The following C4orf33 variants were observed in gnomAD, a reference collection of about 807,000 sequenced individuals.
C4orf33 encodes the protein chromosome 4 open reading frame 33.
Under a neutral mutation model 24.3 loss-of-function variants are expected in C4orf33, and 20 were observed. That is an observed-to-expected ratio of 0.82 (90% CI 0.58 to 1.19). The LOEUF (loss-of-function observed/expected upper bound fraction) is 1.19, where lower values mean the gene tolerates loss of function less well. Among genes scored for constraint, C4orf33 ranks in the 50% most tolerant of loss-of-function variants. The pLI is 0.00. For missense variants in C4orf33, 207 were observed against 225.9 expected (o/e 0.92, Z 0.54); for synonymous variants, 67 against 76.4 (o/e 0.88, Z 0.64).
At position 129,104,345 on chromosome 4, in the gene C4orf33, C is replaced by A. The variant is rs1044528842; in HGVS notation, c.181+1554C>A. 2.0e-5 allele frequency among the ~76,000 whole-genome samples: 3 copies of A among 152,140 alleles called. No homozygotes were observed. The East Asian group carries it at 5.8e-4, about 29-fold the overall frequency. ...CAGAGCCTTCTAAATAGTCTTTTAG[C>A]CCTTAAGCCCATTCTTCATTTAGAA... On this transcript the variant is annotated intron_variant, in intron 2 of 5. Transcript: ENST00000425929.
At chr4:129,106,219 T>C (rs1485713421) in intron 2 of C4orf33, among the ~76,000 whole-genome samples, 1 of 152,114 alleles carries the variant, frequency 6.6e-6, no homozygotes, top group Admixed American at 6.5e-5. Context: ...TGAACAGTAC[T>C]CTAATGAATG....
upstream of C4orf33, among the ~76,000 whole-genome samples, chr4:129,094,951 T>C (rs1461804787): frequency 6.6e-6 from 1 of 152,158 alleles, no homozygotes; most frequent in Non-Finnish European, 1.5e-5. Context: ...TAAATAATTA[T>C]AGACTTAACT....
At chr4:129,099,431 G>C (rs915277335) in intron 1 of C4orf33, among the ~76,000 whole-genome samples, 14 of 152,300 alleles carry the variant, frequency 9.2e-5, no homozygotes, top group African/African-American at 3.4e-4. Context: ...GATATGTAGT[G>C]TTAAATGAGA....
At chr4:129,095,957 A>G (rs1458739358), upstream of C4orf33, among the ~76,000 whole-genome samples, 4 of 152,210 alleles carry the variant, frequency 2.6e-5, no homozygotes, top group Non-Finnish European at 5.9e-5. Context: ...ATTATTGCAC[A>G]GTATTTATAT....
intron 2 of C4orf33, among the ~76,000 whole-genome samples, chr4:129,103,859 A>C (rs971418349): frequency 1.3e-5 from 2 of 152,204 alleles, no homozygotes; most frequent in Admixed American, 6.5e-5. Context: ...ATTTTGATGA[A>C]TCTTCTAGTC....
In C4orf33 at chr4:129,115,801, AATATAT is replaced by A. The variant is rs55749910; in HGVS notation, c.*4034_*4039del. 971 of 90,236 alleles carry A rather than the reference AATATAT, an allele frequency of 0.011. 7 individuals carry two copies. The highest frequency in any genetic ancestry group is 0.043 in the Middle Eastern group (8 of 184). 5.6% of individuals were successfully genotyped at this position (90,236 alleles called of 1,614,324 possible). ...ATGTGCCTAACAAATCTTCTAACTA[AATATAT>A]ATATATATATATATATATATATAAA... On this transcript the variant is annotated 3_prime_UTR_variant, in exon 6 of 6. Coordinates refer to ENST00000425929, the MANE Select transcript of C4orf33 (RefSeq NM_001099783.2).
rs1473864774 is a variant in C4orf33, at chr4:129,113,763, T to A, written c.*1972T>A. The A allele has an allele frequency of 1.1e-5, 1 of 90,154 alleles. No individual in the cohort carries two copies. The highest frequency in any genetic ancestry group is 6.6e-4 in the South Asian group (1 of 1,514). 5.6% of individuals were successfully genotyped at this position (90,154 alleles called of 1,614,324 possible). A position where few individuals can be genotyped will look rare whatever the true frequency, so the allele number is the denominator to read the frequency against. On this transcript the variant is annotated 3_prime_UTR_variant, in exon 6 of 6. Coordinates refer to ENST00000425929, the MANE Select transcript of C4orf33 (RefSeq NM_001099783.2). ...TTTTTTTAAACGTTAAAAAGGTTTT[T>A]TGCCACAGGAAAAAAAACATTTAAT...
intron 2 of C4orf33, chr4:129,103,016 ATT>A (rs11383422): frequency 0.014 from 2,460 of 175,536 alleles, no homozygotes; most frequent in South Asian, 0.03. Context: ...ACAAATCCAG[ATT>A]TTTTTTTTTT....
chr4:129,107,651 T>C (rs1268780677), intron 3 of C4orf33, among the ~76,000 whole-genome samples: 1 of 152,058 alleles, frequency 6.6e-6, no homozygotes, highest in East Asian at 1.9e-4. Context: ...TCAACTAACA[T>C]GCCAAAATTT....
intron 3 of C4orf33, among the ~76,000 whole-genome samples, chr4:129,106,935 C>T (rs185202870): frequency 1.0e-3 from 159 of 151,444 alleles, no homozygotes; most frequent in African/African-American, 2.6e-3. Context: ...TTTTTCAAAA[C>T]GAAAAGTCAT....
At chr4:129,109,702 C>T (rs1164301389) in intron 5 of C4orf33, 30 bp downstream of exon 5, 9 of 1,572,918 alleles carry the variant, frequency 5.7e-6, no homozygotes, top group African/African-American at 1.4e-5. Flanking sequence ...AGATATGTTC[C>T]AAATACACGA....
In C4orf33 at chr4:129,111,887, TC is replaced by T. The variant is rs1753701245; in HGVS notation, c.*97del. On this transcript the variant is annotated 3_prime_UTR_variant, in exon 6 of 6. Coordinates refer to ENST00000425929, the MANE Select transcript of C4orf33 (RefSeq NM_001099783.2). ...TTTTTTAAGATGTCATGCATACATTTCAACAACAAATATCTTCATAGAAGTC... is the reference window on the plus strand; with the variant it reads ...TTTTTTAAGATGTCATGCATACATTTAACAACAAATATCTTCATAGAAGTC... The T allele has an allele frequency of 1.6e-6, 1 of 611,224 alleles. No individual in the cohort carries two copies. The highest frequency in any genetic ancestry group is 1.9e-5 in the African/African-American group (1 of 53,430). 37.9% of individuals were successfully genotyped at this position (611,224 alleles called of 1,614,324 possible). A position where few individuals can be genotyped will look rare whatever the true frequency, so the allele number is the denominator to read the frequency against.
At chr4:129,109,240 T>G in intron 3 of C4orf33, 67 bp from the exon 4 acceptor site, 1 of 1,397,414 alleles carries the variant, frequency 7.2e-7, no homozygotes, top group Admixed American at 1.7e-5. Context: ...ATTCCATGTA[T>G]AAAGGATAGT....
At position 129,111,715 on chromosome 4, in the gene C4orf33, AT is replaced by A. The variant is rs1353621166; in HGVS notation, c.528del (p.Phe176LeufsTer18). ...FHCLEYFKSF[N>X]FNTLLGEEWK... The stretch of plus-strand genomic sequence containing the variant: ...TGCCTAGAATACTTCAAGTCTTTCA[AT>A]TTTAACACACTGCTTGGAGAAGAGT... On this transcript the variant is annotated frameshift_variant, in exon 6 of 6. Coordinates refer to ENST00000425929, the MANE Select transcript of C4orf33 (RefSeq NM_001099783.2). LOFTEE classifies it high-confidence loss of function. 6.8e-6 allele frequency: 11 copies of A among 1,612,616 alleles called. No homozygotes were observed. The East Asian group carries it at 2.5e-4, about 36-fold the overall frequency.
In C4orf33 at chr4:129,096,733, C is replaced by A. The variant is rs115156808; in HGVS notation, c.-10+524C>A. Among the ~76,000 whole-genome samples the A allele has an allele frequency of 7.9e-3, 1,202 of 152,132 alleles. 14 individuals are homozygous for A. The highest frequency in any genetic ancestry group is 0.028 in the African/African-American group (1,152 of 41,482). On this transcript the variant is annotated intron_variant, in intron 1 of 5. Coordinates refer to ENST00000425929, the MANE Select transcript of C4orf33 (RefSeq NM_001099783.2). ...TTAAAAGTAGAAACATACAGAGTAA[C>A]AATAAATATTGTATTAAGAAAGTCT...
chr4:129,100,332 A>ATTT (rs70938454), intron 1 of C4orf33, among the ~76,000 whole-genome samples: 13,594 of 147,878 alleles, frequency 0.092, 740 homozygotes, highest in South Asian at 0.15. Context: ...TTGTATTTTG[A>ATTT]TTTTTTTTTT....
At position 129,111,665 on chromosome 4, in the gene C4orf33, CT is replaced by C. The variant is rs769629906; in HGVS notation, c.495-19del. On this transcript the variant is annotated intron_variant, in intron 5 of 5. Coordinates refer to ENST00000425929, the MANE Select transcript of C4orf33 (RefSeq NM_001099783.2). Reference sequence around the variant, plus strand: ...ATGCATAATTCATTTCAATTCCCACCTTCTTTTTCTTTGCTTTTAGCCATTG... The same window carrying C: ...ATGCATAATTCATTTCAATTCCCACCTCTTTTTCTTTGCTTTTAGCCATTG... 1 of 1,441,172 alleles carries C rather than the reference CT, an allele frequency of 6.9e-7. No individual in the cohort carries two copies. The highest frequency in any genetic ancestry group is 1.8e-5 in the Admixed American group (1 of 56,662). The allele number at this position is 1,441,172 out of a possible 1,614,324, so 89.3% of individuals were successfully genotyped here. A position where few individuals can be genotyped will look rare whatever the true frequency, so the allele number is the denominator to read the frequency against.
chr4:129,102,880 G>T (rs1394616999), intron 2 of C4orf33, 89 bp downstream of exon 2: 1 of 1,245,886 alleles, frequency 8.0e-7, no homozygotes, highest in Non-Finnish European at 1.1e-6. Context: ...CTGTTGGGAA[G>T]TAAGTGCTTC....
rs1339885994 is a variant in C4orf33, at chr4:129,115,332, C to T, written c.*3541C>T. 1 of 152,184 alleles carries T rather than the reference C, an allele frequency of 6.6e-6. No individual in the cohort carries two copies. The highest frequency in any genetic ancestry group is 1.5e-5 in the Non-Finnish European group (1 of 68,032). 9.4% of individuals were successfully genotyped at this position (152,184 alleles called of 1,614,324 possible). On this transcript the variant is annotated 3_prime_UTR_variant, in exon 6 of 6. Transcript: ENST00000425929. ...ATTCACCCATTTTACTCTTTGATAGCACTTTACCTCTTTTGTCCCATGTAT... is the reference window on the plus strand; with the variant it reads ...ATTCACCCATTTTACTCTTTGATAGTACTTTACCTCTTTTGTCCCATGTAT...
Sources: gnomAD v4.1 joint callset for allele counts (sites outside exome capture counted in the v4.1 genomes callset) on GRCh38, gnomAD v4.1.1 for gene constraint, MANE v1.5 for transcripts, NCBI Gene and HGNC (gene_info 2026-07-23, HGNC 2026-07-21) for gene names.